Variants in SLC2A14 observed in about 807,000 individuals in gnomAD.
SLC2A14 encodes solute carrier family 2, facilitated glucose transporter member 14.
Under a neutral mutation model 43.0 loss-of-function variants are expected in SLC2A14, and 13 were observed. The observed-to-expected ratio is 0.30, with a 90% CI of 0.20 to 0.48. The LOEUF is 0.48. Ranked by LOEUF, SLC2A14 falls within the 20% of genes least tolerant of loss-of-function variation. The probability of loss-of-function intolerance (pLI) is 0.99; values close to 1 mark genes in which losing one functional copy is unlikely to be tolerated. For synonymous variants in SLC2A14, 190 were observed against 233.8 expected, an observed-to-expected ratio of 0.81 and a Z score of 1.71; for missense variants, 428 against 620.4, an observed-to-expected ratio of 0.69 and a Z score of 3.29.
intron 10 of SLC2A14, 110 bp downstream of exon 10, chr12:7,817,721 G>A: frequency 1.9e-6 from 2 of 1,056,914 alleles, no homozygotes; most frequent in South Asian, 4.1e-5. Flanking sequence ...GCACACCAGG[G>A]CGAGACTCAG....
intron 2 of SLC2A14, among the ~76,000 whole-genome samples, chr12:7,862,793 G>A (rs1592284692): frequency 6.6e-6 from 1 of 152,122 alleles, no homozygotes; most frequent in South Asian, 2.1e-4. Flanking sequence ...TGCACCAATT[G>A]ACACTCTTTA....
At chr12:7,868,593 G>C (rs1232920042) in intron 2 of SLC2A14, among the ~76,000 whole-genome samples, 1 of 152,078 alleles carries the variant, frequency 6.6e-6, no homozygotes, top group African/African-American at 2.4e-5. Context: ...TAGTATAATA[G>C]CTACTCGAGA....
intron 2 of SLC2A14, among the ~76,000 whole-genome samples, chr12:7,861,700 C>G (rs1453035732): frequency 6.6e-6 from 1 of 152,054 alleles, no homozygotes; most frequent in Non-Finnish European, 1.5e-5. Context: ...CGGAGGCTCA[C>G]CCTTGTAATC....
At chr12:7,832,327 A>T (rs1449396880) in intron 3 of SLC2A14, among the ~76,000 whole-genome samples, 1 of 152,180 alleles carries the variant, frequency 6.6e-6, no homozygotes, top group Non-Finnish European at 1.5e-5. Flanking sequence ...CTTGGTAACT[A>T]ACCCCTAAGG....
intron 7 of SLC2A14, among the ~76,000 whole-genome samples, chr12:7,826,819 T>TTC (rs756005107): frequency 1.9e-5 from 1 of 53,752 alleles, no homozygotes; most frequent in Non-Finnish European, 3.8e-5. Context: ...TCGCTCTTTT[T>TTC]TCTTTCTTTC....
At chr12:7,859,549 A>C (rs1386129428) in intron 2 of SLC2A14, among the ~76,000 whole-genome samples, 1 of 152,168 alleles carries the variant, frequency 6.6e-6, no homozygotes, top group Non-Finnish European at 1.5e-5. Context: ...ACTGGAAAAC[A>C]AGATGATTGG....
At chr12:7,861,153 C>T (rs1352040635) in intron 2 of SLC2A14, among the ~76,000 whole-genome samples, 1 of 151,724 alleles carries the variant, frequency 6.6e-6, no homozygotes, top group African/African-American at 2.4e-5. Flanking sequence ...AAAGGAAGAA[C>T]CAAAGAGAGA....
At chr12:7,859,470 G>T (rs1458143435) in intron 2 of SLC2A14, among the ~76,000 whole-genome samples, 1 of 152,094 alleles carries the variant, frequency 6.6e-6, no homozygotes, top group Non-Finnish European at 1.5e-5. Flanking sequence ...TACAGGTTTT[G>T]CAAGGAGCCC....
chr12:7,851,199 G>C (rs1418387947), intron 2 of SLC2A14, among the ~76,000 whole-genome samples: 1 of 152,156 alleles, frequency 6.6e-6, no homozygotes, highest in Non-Finnish European at 1.5e-5. Flanking sequence ...CATTAAACCT[G>C]TGTCTCAGTT....
intron 1 of SLC2A14, among the ~76,000 whole-genome samples, chr12:7,883,567 CTT>C (rs1331384105): frequency 4.3e-5 from 5 of 117,342 alleles, no homozygotes; most frequent in Non-Finnish European, 7.1e-5. Context: ...CGCCCGGCCT[CTT>C]TTTCTTTTTC....
rs935977695 is a variant in SLC2A14 at position 7,860,282 on chromosome 12, A to G, written c.18+9581T>C. Among the ~76,000 whole-genome samples the G allele has an allele frequency of 7.9e-5, 12 of 152,274 alleles. No individual in the cohort carries two copies. The South Asian group carries it at 8.3e-4, about 11-fold the overall frequency. ...GAAGAGGATAAATTTGGGAACATTT[A>G]GGGAAAATATCAGGCAGAAGATAAA... On this transcript the variant is annotated intron_variant, in intron 2 of 10. Transcript: ENST00000431042.
At chr12:7,848,779 C>A (rs1866681475) in intron 2 of SLC2A14, among the ~76,000 whole-genome samples, 1 of 151,906 alleles carries the variant, frequency 6.6e-6, no homozygotes, top group Non-Finnish European at 1.5e-5. Context: ...TGGTCTCGAA[C>A]TCCTGACCTC....
intron 2 of SLC2A14, among the ~76,000 whole-genome samples, chr12:7,854,014 G>T (rs1867148703): frequency 6.6e-6 from 1 of 152,098 alleles, no homozygotes; most frequent in Non-Finnish European, 1.5e-5. Flanking sequence ...TGTCTCGTAA[G>T]TTAGTTAAGT....
At chr12:7,857,893 GCAGGAGGATCACTTGAGGC>G (rs1366915185) in intron 2 of SLC2A14, among the ~76,000 whole-genome samples, 7 of 152,036 alleles carry the variant, frequency 4.6e-5, no homozygotes, top group Non-Finnish European at 8.8e-5. Context: ...GGAGGCCAAG[GCAGGAGGATCACTTGAGGC>G]CAGGAGGTTG....
upstream of SLC2A14, among the ~76,000 whole-genome samples, chr12:7,874,843 AT>A (rs1376989688): frequency 9.7e-4 from 84 of 86,358 alleles, no homozygotes; most frequent in East Asian, 2.9e-3. Flanking sequence ...ATAAATACGT[AT>A]TTATATATAA....
At chr12:7,889,759 C>T in intron 1 of SLC2A14, among the ~76,000 whole-genome samples, 1 of 151,984 alleles carries the variant, frequency 6.6e-6, no homozygotes, top group East Asian at 1.9e-4. Context: ...TGGTCTCGAA[C>T]TCCTGACCTC....
intron 2 of SLC2A14, among the ~76,000 whole-genome samples, chr12:7,851,916 C>T (rs1866968111): frequency 6.6e-6 from 1 of 152,190 alleles, no homozygotes; most frequent in Non-Finnish European, 1.5e-5. Context: ...CGTGCAGAGA[C>T]AGCATCATTC....
intron 2 of SLC2A14, among the ~76,000 whole-genome samples, chr12:7,849,676 G>A (rs1316344368): frequency 5.3e-5 from 8 of 151,794 alleles, no homozygotes; most frequent in East Asian, 1.9e-4. Flanking sequence ...TGAGGCAGGC[G>A]GATCACGAGG....
chr12:7,871,038 G>A (rs1592315302), intron 1 of SLC2A14: 12 of 1,424,002 alleles, frequency 8.4e-6, no homozygotes, highest in East Asian at 6.9e-5. Flanking sequence ...TGGCTTCACC[G>A]CGGAAGAACC....
Sources: gnomAD v4.1 joint callset for allele counts (sites outside exome capture counted in the v4.1 genomes callset) on GRCh38, gnomAD v4.1.1 for gene constraint, MANE v1.5 for transcripts, NCBI Gene and HGNC (gene_info 2026-07-23, HGNC 2026-07-21) for gene names.